FERMT2: variants seen among roughly 807,000 people sequenced by gnomAD.
FERMT2 encodes fermitin family homolog 2.
FERMT2 carries 15 observed loss-of-function variants against 82.7 expected under a neutral mutation model. The ratio of observed to expected loss-of-function variants is 0.18; its 90% CI spans 0.12 to 0.28. The LOEUF (loss-of-function observed/expected upper bound fraction) is 0.28, where lower values mean the gene tolerates loss of function less well. FERMT2 is among the 10% of genes least tolerant of loss of function. The pLI is 1.00. For synonymous variants in FERMT2, 274 were observed against 271.5 expected, an observed-to-expected ratio of 1.01 and a Z score of -0.09; for missense variants, 645 against 809.4, an observed-to-expected ratio of 0.80 and a Z score of 2.46.
intron 10 of FERMT2, among the ~76,000 whole-genome samples, chr14:52,865,866 T>C (rs1885246401): frequency 6.6e-6 from 1 of 152,160 alleles, no homozygotes; most frequent in Admixed American, 6.6e-5. Context: ...TTTATTCTCC[T>C]CCCCAGAAGC....
intron 10 of FERMT2, among the ~76,000 whole-genome samples, chr14:52,867,653 C>G (rs1160643731): frequency 6.6e-6 from 1 of 152,174 alleles, no homozygotes; most frequent in Non-Finnish European, 1.5e-5. Context: ...ATGTGCATCT[C>G]TCCCCTAATC....
intron 4 of FERMT2, chr14:52,881,839 G>C (rs1443531820): frequency 8.0e-7 from 1 of 1,252,026 alleles, no homozygotes; most frequent in Non-Finnish European, 1.0e-6. Context: ...CTATAGGAAA[G>C]GAAAGAAAGG....
At chr14:52,910,965 T>C (rs1888277444) in intron 3 of FERMT2, among the ~76,000 whole-genome samples, 1 of 152,130 alleles carries the variant, frequency 6.6e-6, no homozygotes, top group Admixed American at 6.5e-5. Flanking sequence ...GGGTTGAAAA[T>C]CAACTAATCC....
At chr14:52,910,932 T>C (rs1315871997) in intron 3 of FERMT2, among the ~76,000 whole-genome samples, 1 of 152,132 alleles carries the variant, frequency 6.6e-6, no homozygotes, top group Non-Finnish European at 1.5e-5. Context: ...TTAAATTAAT[T>C]AAGGGGAAAT....
At chr14:52,911,381 G>A (rs1328007516) in intron 3 of FERMT2, among the ~76,000 whole-genome samples, 11 of 152,164 alleles carry the variant, frequency 7.2e-5, no homozygotes, top group African/African-American at 2.7e-4. Flanking sequence ...GCTGGGCACA[G>A]TGGCTCACAC....
rs563973465 is a variant in FERMT2 at position 52,893,307 on chromosome 14, A to G, written c.512T>C (p.Ile171Thr). ...DEALELEGPLITPGSGSIYSS... is the reference protein window; with the variant it reads ...DEALELEGPLTTPGSGSIYSS... The stretch of plus-strand genomic sequence containing the variant: ...AAAAGTCTTACCTGATCCAGGAGTG[A>G]TAAGAGGCCCCTCTAATTCAAGTGC... The change falls in exon 4 of 15, where the codon ATC becomes ACC. Residue 171 changes from isoleucine to threonine, a missense_variant. Coordinates refer to ENST00000341590, the MANE Select transcript of FERMT2 (RefSeq NM_006832.3). The G allele has an allele frequency of 3.7e-6, 6 of 1,606,864 alleles. No individual in the cohort carries two copies. Among genetic ancestry groups the G allele is most frequent in the African/African-American group, 2.7e-5 (2 of 74,216 alleles).
At chr14:52,864,693 G>A in intron 11 of FERMT2, 54 bp downstream of exon 11, 3 of 1,567,000 alleles carry the variant, frequency 1.9e-6, no homozygotes, top group East Asian at 4.5e-5. Context: ...ATATAAGGAT[G>A]ACTGGTCAAC....
At chr14:52,918,264 A>T (rs984368739) in intron 3 of FERMT2, among the ~76,000 whole-genome samples, 1 of 152,212 alleles carries the variant, frequency 6.6e-6, no homozygotes, top group East Asian at 1.9e-4. Flanking sequence ...AAAAATACAT[A>T]TAAAATGCTC....
chr14:52,892,159 G>GTTTTTTTTTT (rs1555368979), intron 4 of FERMT2, among the ~76,000 whole-genome samples: 1 of 78,760 alleles, frequency 1.3e-5, no homozygotes, highest in African/African-American at 3.9e-5. Flanking sequence ...AGAGAAGGCT[G>GTTTTTTTTTT]TTTTTTGTTT....
intron 2 of FERMT2, among the ~76,000 whole-genome samples, chr14:52,921,985 A>C (rs1004564388): frequency 6.6e-6 from 1 of 152,128 alleles, no homozygotes; most frequent in Non-Finnish European, 1.5e-5. Context: ...GGAGAAAAAG[A>C]GCTGTAAGAG....
At chr14:52,943,687 T>C (rs1194840317) in intron 2 of FERMT2, among the ~76,000 whole-genome samples, 1 of 151,998 alleles carries the variant, frequency 6.6e-6, no homozygotes, top group African/African-American at 2.4e-5. Flanking sequence ...TGAAACTTCA[T>C]CCAACTGCTC....
chr14:52,871,066 A>C (rs1315536672), intron 10 of FERMT2, among the ~76,000 whole-genome samples: 1 of 152,124 alleles, frequency 6.6e-6, no homozygotes, highest in African/African-American at 2.4e-5. Context: ...AGGGTGGCGC[A>C]ACCTTTGCTA....
At chr14:52,906,551 T>A (rs1441827232) in intron 3 of FERMT2, among the ~76,000 whole-genome samples, 6 of 89,592 alleles carry the variant, frequency 6.7e-5, no homozygotes, top group African/African-American at 9.0e-5. Context: ...AGGGTGGGGG[T>A]GGGGAAGCAC....
chr14:52,919,378 C>T, intron 2 of FERMT2, 22 bp from the exon 3 acceptor site: 1 of 1,521,244 alleles, frequency 6.6e-7, no homozygotes, highest in Non-Finnish European at 9.0e-7. Flanking sequence ...AAACAATAAA[C>T]AAATCACTTA....
At chr14:52,921,690 A>G (rs1888964953) in intron 2 of FERMT2, among the ~76,000 whole-genome samples, 1 of 152,196 alleles carries the variant, frequency 6.6e-6, no homozygotes, top group Non-Finnish European at 1.5e-5. Context: ...GGTAGTATAT[A>G]TAGGCTGAGC....
intron 3 of FERMT2, among the ~76,000 whole-genome samples, chr14:52,918,279 T>C (rs1310344118): frequency 6.6e-6 from 1 of 152,146 alleles, no homozygotes; most frequent in African/African-American, 2.4e-5. Context: ...ATGCTCCTAT[T>C]TATTAAAAAA....
chr14:52,860,222 G>GTAATATGAGT, intron 13 of FERMT2, 119 bp downstream of exon 13: 1 of 706,014 alleles, frequency 1.4e-6, no homozygotes, highest in South Asian at 2.3e-5. Context: ...GAATTCTATT[G>GTAATATGAGT]TAATATGAGT....
At chr14:52,890,375 C>T (rs556191042) in intron 4 of FERMT2, among the ~76,000 whole-genome samples, 57 of 139,686 alleles carry the variant, frequency 4.1e-4, no homozygotes, top group African/African-American at 1.4e-3. Context: ...ACCCAGGAGG[C>T]GGAGGTTGCA....
At chr14:52,950,287 T>C in intron 2 of FERMT2, 125 bp downstream of exon 2, 2 of 911,394 alleles carry the variant, frequency 2.2e-6, no homozygotes, top group Non-Finnish European at 3.4e-6. Flanking sequence ...AGATTTTACA[T>C]CTCCAAAAAG....
Sources: gnomAD v4.1 joint callset for allele counts (sites outside exome capture counted in the v4.1 genomes callset) on GRCh38, gnomAD v4.1.1 for gene constraint, MANE v1.5 for transcripts, NCBI Gene and HGNC (gene_info 2026-07-23, HGNC 2026-07-21) for gene names.